RPS6KL1: variants seen among roughly 807,000 people sequenced by gnomAD.
The protein encoded by RPS6KL1 is ribosomal protein S6 kinase like 1, also known as ribosomal protein S6 kinase-like 1.
In RPS6KL1, 41 loss-of-function variants were observed where a neutral mutation model predicts 57.0. The ratio of observed to expected loss-of-function variants is 0.72; its 90% confidence interval spans 0.56 to 0.93. The LOEUF is 0.93. Ranked by LOEUF, RPS6KL1 falls within the 40% of genes least tolerant of loss-of-function variation. The probability of loss-of-function intolerance (pLI) is 0.00; values close to 1 mark genes in which losing one functional copy is unlikely to be tolerated. For missense variants in RPS6KL1, 697 were observed against 727.7 expected, an observed-to-expected ratio of 0.96 and a Z score of 0.49; for synonymous variants, 287 against 309.7, an observed-to-expected ratio of 0.93 and a Z score of 0.77.
rs542232178 is a variant in RPS6KL1, at chr14:74,919,844, C to G, written c.390+1G>C. 10 of 1,612,524 alleles carry G rather than the reference C, an allele frequency of 6.2e-6. No homozygotes were observed. The highest frequency in any genetic ancestry group is 8.5e-6 in the Non-Finnish European group (10 of 1,179,708). ...CCTTTGGGTGGGGGGGGTCTCCTCA[C>G]CGCGCTGGGGCTGGCTCCACTGCTC... On this transcript the variant is annotated splice_donor_variant, in intron 4 of 11. Transcript: ENST00000557413. LOFTEE classifies it high-confidence loss of function.
Position 74,910,081 on chromosome 14 carries a change from A to G in RPS6KL1, c.732T>C (p.Ser244=). 1.2e-6 allele frequency: 2 copies of G among 1,600,128 alleles called. No homozygotes were observed. Among genetic ancestry groups the G allele is most frequent in the South Asian group, 1.1e-5 (1 of 90,012 alleles). Residue 244 remains serine, a synonymous_variant, in exon 8 of 12, where the codon TCT becomes TCC. Coordinates refer to ENST00000557413, the MANE Select transcript of RPS6KL1 (RefSeq NM_031464.5). ...GCTGAGCCTTCATCCTCTCCTGGGT[A>G]GAGCCAGAGCTGAGCCCAGAATGTC... The part of the protein sequence containing the change: ...HSRHSGLSSG[S]TQERMKAQLN...
At chr14:74,921,855 G>A in intron 2 of RPS6KL1, 123 bp downstream of exon 2, 1 of 590,546 alleles carries the variant, frequency 1.7e-6, no homozygotes, top group Non-Finnish European at 2.4e-6. Flanking sequence ...TCGGCTCACT[G>A]CAACCTCCAC....
intron 10 of RPS6KL1, 126 bp from the exon 11 acceptor site, chr14:74,907,656 A>G: frequency 1.2e-6 from 1 of 830,930 alleles, no homozygotes; most frequent in Non-Finnish European, 1.8e-6. Flanking sequence ...GATAGTTGCT[A>G]CAGCCAGACA....
Position 74,921,321 on chromosome 14 carries a change from T to C in RPS6KL1, c.221A>G (p.Asn74Ser). 2 of 1,592,794 alleles carry C rather than the reference T, an allele frequency of 1.3e-6. No individual in the cohort carries two copies. Among genetic ancestry groups the C allele is most frequent in the South Asian group, 1.1e-5 (1 of 90,768 alleles). ...CACGTCCACGCCATTCTGATAGTGG[T>C]TGAAGGCCGCCTCATAGTCCTCACT... The part of the protein sequence containing the change: ...DVSEDYEAAF[N>S]HYQNGVDVLL... Residue 74 changes from asparagine to serine, a missense_variant, in exon 3 of 12, where the codon AAC (asparagine) becomes AGC (serine). Coordinates refer to ENST00000557413, the MANE Select transcript of RPS6KL1 (RefSeq NM_031464.5).
At chr14:74,921,238 T>TGGCCC in intron 3 of RPS6KL1, 39 bp downstream of exon 3, 9 of 840,176 alleles carry the variant, frequency 1.1e-5, no homozygotes, top group East Asian at 2.6e-5. Context: ...CACTGGCCCT[T>TGGCCC]CCCCACCCAC....
chr14:74,917,044 AC>A (rs918337037), intron 5 of RPS6KL1, among the ~76,000 whole-genome samples: 1 of 152,164 alleles, frequency 6.6e-6, no homozygotes, highest in African/African-American at 2.4e-5. Context: ...TGGGGAGGGG[AC>A]CGTGGCAGAT....
intron 5 of RPS6KL1, among the ~76,000 whole-genome samples, chr14:74,912,634 C>T (rs148354580): frequency 4.1e-4 from 63 of 152,306 alleles, no homozygotes; most frequent in Admixed American, 2.6e-4. Flanking sequence ...GGGCTTGGCA[C>T]GCTGCGTTCA....
At position 74,921,207 on chromosome 14, in the gene RPS6KL1, TG is replaced by T; in HGVS notation, c.265+69del. 2 of 1,373,786 alleles carry T rather than the reference TG, an allele frequency of 1.5e-6. 1 individual carries two copies. Among genetic ancestry groups the T allele is most frequent in the South Asian group, 2.5e-5 (2 of 80,764 alleles). The allele number at this position is 1,373,786 out of a possible 1,614,324, so 85.1% of individuals were successfully genotyped here. On this transcript the variant is annotated intron_variant, in intron 3 of 11. Coordinates refer to ENST00000557413, the MANE Select transcript of RPS6KL1 (RefSeq NM_031464.5). The stretch of plus-strand genomic sequence containing the variant: ...ACAAATGGACAGGGGACAAGACAGA[TG>T]GGTGACAGGAAGAGCCCTGCACTGG...
At chr14:74,915,584 A>T (rs1268986265) in intron 5 of RPS6KL1, among the ~76,000 whole-genome samples, 1 of 152,178 alleles carries the variant, frequency 6.6e-6, no homozygotes, top group Non-Finnish European at 1.5e-5. Context: ...CTTAAACTCA[A>T]AGGTCCACAG....
intron 6 of RPS6KL1, 108 bp downstream of exon 6, chr14:74,911,686 T>A: frequency 1.9e-6 from 2 of 1,064,520 alleles, no homozygotes; most frequent in South Asian, 2.9e-5. Context: ...AACCAGCTTT[T>A]GTGGGAGGGA....
intron 10 of RPS6KL1, 138 bp downstream of exon 10, chr14:74,908,712 G>A (rs1885341192): frequency 1.4e-6 from 1 of 735,982 alleles, no homozygotes; most frequent in Non-Finnish European, 2.4e-6. Context: ...AGTGCTAAGT[G>A]TGTCCCTGGC....
Position 74,921,258 on chromosome 14 carries a change from G to GC in RPS6KL1, c.265+18dup. 1.3e-6 allele frequency: 1 copy of GC among 766,360 alleles called. No homozygotes were observed. Among genetic ancestry groups the GC allele is most frequent in the Non-Finnish European group, 2.2e-6 (1 of 460,314 alleles). The allele number at this position is 766,360 out of a possible 1,614,324, so 47.5% of individuals were successfully genotyped here. ...GCCCTTCCCCACCCACCCCAGCCCT[G>GC]CCCAGCCCCGGTCCTCACCGTGTAT... On this transcript the variant is annotated intron_variant, in intron 3 of 11. Transcript: ENST00000557413.
In RPS6KL1 at chr14:74,904,363, C is replaced by T. The variant is rs939876843; in HGVS notation, c.*2651G>A. The T allele has an allele frequency of 6.6e-6, 1 of 152,166 alleles. No homozygotes were observed. Among genetic ancestry groups the T allele is most frequent in the African/African-American group, 2.4e-5 (1 of 41,430 alleles). The allele number at this position is 152,166 out of a possible 1,614,324, so 9.4% of individuals were successfully genotyped here. A position where few individuals can be genotyped will look rare whatever the true frequency, so the allele number is the denominator to read the frequency against. ...TAGATTGTAAATGCTTCTCATCAGA[C>T]TTAAGGAGCCTGTTTTAACAGTAAT... On this transcript the variant is annotated 3_prime_UTR_variant, in exon 12 of 12. Coordinates refer to ENST00000557413, the MANE Select transcript of RPS6KL1 (RefSeq NM_031464.5).
At position 74,905,547 on chromosome 14, in the gene RPS6KL1, A is replaced by G. The variant is rs1884645441; in HGVS notation, c.*1467T>C. 2 of 152,120 alleles carry G rather than the reference A, an allele frequency of 1.3e-5. No homozygotes were observed. The highest frequency in any genetic ancestry group is 2.1e-4 in the South Asian group (1 of 4,814). 9.4% of individuals were successfully genotyped at this position (152,120 alleles called of 1,614,324 possible). A position where few individuals can be genotyped will look rare whatever the true frequency, so the allele number is the denominator to read the frequency against. ...TGCGTCCTACTTCCTGGCAGCCCCA[A>G]GCTCGCTCTTGACTTCACTCTGGAG... is the stretch of plus-strand genomic sequence containing the variant. On this transcript the variant is annotated 3_prime_UTR_variant, in exon 12 of 12. Transcript: ENST00000557413.
rs777230408 is a variant in RPS6KL1, at chr14:74,921,408, G to T, written c.134C>A (p.Thr45Lys). 8.7e-6 allele frequency: 14 copies of T among 1,614,266 alleles called. No homozygotes were observed. In the South Asian group the frequency reaches 1.5e-4, roughly 18 times the overall value. The change falls in exon 3 of 12, where the codon ACA (threonine) becomes AAA (lysine). Residue 45 changes from threonine to lysine, a missense_variant. Transcript: ENST00000557413. Reference protein sequence around the residue: ...NRVALGVPDMTKRDYLVDAAT... With the variant: ...NRVALGVPDMKKRDYLVDAAT... The stretch of plus-strand genomic sequence containing the variant: ...CGCATCCACCAGATAGTCACGTTTT[G>T]TCATGTCAGGCACTCCCAGAGCCAC...
At position 74,922,675 on chromosome 14, in the gene RPS6KL1, G is replaced by A. The variant is rs567924594; in HGVS notation, c.-528-190C>T. 2.6e-5 allele frequency among the ~76,000 whole-genome samples: 4 copies of A among 152,344 alleles called. No homozygotes were observed. The East Asian group carries it at 5.8e-4, about 22-fold the overall frequency. On this transcript the variant is annotated intron_variant, in intron 1 of 11. Coordinates refer to ENST00000557413, the MANE Select transcript of RPS6KL1 (RefSeq NM_031464.5). The stretch of plus-strand genomic sequence containing the variant: ...GCAATGTGTGACCCAGGCGGCCAAA[G>A]GGATGACAGCCGTGGCTGCGGGAAG...
chr14:74,922,696 G>T (rs1351619183), intron 1 of RPS6KL1, among the ~76,000 whole-genome samples: 2 of 152,224 alleles, frequency 1.3e-5, no homozygotes, highest in Non-Finnish European at 2.9e-5. Flanking sequence ...CGTGGCTGCG[G>T]GAAGGGAAGG....
intron 5 of RPS6KL1, among the ~76,000 whole-genome samples, chr14:74,914,616 G>A (rs1308426232): frequency 6.6e-6 from 1 of 152,230 alleles, no homozygotes; most frequent in Non-Finnish European, 1.5e-5. Flanking sequence ...GGGCAGCAAA[G>A]CAGCAGGCAT....
intron 4 of RPS6KL1, among the ~76,000 whole-genome samples, chr14:74,919,031 C>T (rs1486024309): frequency 6.6e-6 from 1 of 152,184 alleles, no homozygotes; most frequent in Non-Finnish European, 1.5e-5. Flanking sequence ...AAAAATTAGC[C>T]GAGCATGGTG....
Sources: gnomAD v4.1 joint callset for allele counts (sites outside exome capture counted in the v4.1 genomes callset) on GRCh38, gnomAD v4.1.1 for gene constraint, MANE v1.5 for transcripts, NCBI Gene and HGNC (gene_info 2026-07-23, HGNC 2026-07-21) for gene names.